RIOK1: variants seen among roughly 807,000 people sequenced by gnomAD.
RIOK1 encodes the protein serine/threonine-protein kinase RIO1.
In RIOK1, 66 loss-of-function variants were observed where a neutral mutation model predicts 73.5. The ratio of observed to expected loss-of-function variants is 0.90; its 90% CI spans 0.74 to 1.10. RIOK1 has a LOEUF of 1.10. Ranked by LOEUF, RIOK1 falls within the 50% of genes least tolerant of loss-of-function variation. The pLI, the probability that RIOK1 is intolerant of heterozygous loss-of-function variation, is 0.00. For synonymous variants in RIOK1, 224 were observed against 226.8 expected, an observed-to-expected ratio of 0.99 and a Z score of 0.11; for missense variants, 658 against 699.8, an observed-to-expected ratio of 0.94 and a Z score of 0.67.
At chr6:7,415,368 C>G (rs1305939495) in intron 16 of RIOK1, among the ~76,000 whole-genome samples, 1 of 152,002 alleles carries the variant, frequency 6.6e-6, no homozygotes, top group Non-Finnish European at 1.5e-5. Flanking sequence ...TGCCACTGCA[C>G]GCCAGCCTGG....
intron 5 of RIOK1, among the ~76,000 whole-genome samples, chr6:7,399,182 G>A (rs1761553602): frequency 6.6e-6 from 1 of 152,178 alleles, no homozygotes; most frequent in East Asian, 1.9e-4. Context: ...TTCTATTCAA[G>A]AATGGGGAAA....
chr6:7,400,968 C>G lies in RIOK1; in HGVS notation c.491C>G (p.Pro164Arg), dbSNP rs1367581125. 6.9e-6 allele frequency: 11 copies of G among 1,605,694 alleles called. No homozygotes were observed. Among genetic ancestry groups the G allele is most frequent in the Non-Finnish European group, 9.4e-6 (11 of 1,175,058 alleles). The change falls in exon 6 of 17, where the codon CCC becomes CGC. Residue 164 changes from proline to arginine, a missense_variant. Pro to Arg is a moderately radical substitution (Grantham distance 103). Coordinates refer to ENST00000379834, the MANE Select transcript of RIOK1 (RefSeq NM_031480.3). ...DRATVEQVLDPRTRMILFKML... is the reference protein window; with the variant it reads ...DRATVEQVLDRRTRMILFKML... ...TGCATTTCTTTTTAGGTGTTGGATC[C>G]CAGAACAAGAATGATTTTATTCAAG...
intron 12 of RIOK1, among the ~76,000 whole-genome samples, chr6:7,410,042 C>T (rs1345090757): frequency 6.6e-6 from 1 of 152,154 alleles, no homozygotes; most frequent in Non-Finnish European, 1.5e-5. Context: ...TTCTTTCATT[C>T]TTTAGGTCTC....
At chr6:7,397,325 C>G (rs1761498909) in intron 4 of RIOK1, among the ~76,000 whole-genome samples, 1 of 152,104 alleles carries the variant, frequency 6.6e-6, no homozygotes, top group Non-Finnish European at 1.5e-5. Context: ...AAAGTGTAAT[C>G]TCATGAAATT....
intron 16 of RIOK1, 57 bp downstream of exon 16, chr6:7,414,447 T>G (rs1761954339): frequency 6.9e-7 from 1 of 1,449,810 alleles, no homozygotes; most frequent in Non-Finnish European, 9.3e-7. Context: ...CCGCTCTTAT[T>G]TCTCTTTGCT....
chr6:7,391,153 A>G (rs1439940068), intron 1 of RIOK1, among the ~76,000 whole-genome samples: 1 of 152,230 alleles, frequency 6.6e-6, no homozygotes, highest in African/African-American at 2.4e-5. Flanking sequence ...GTAAGGATTC[A>G]TCACATGCGG....
chr6:7,389,846 G>A lies in RIOK1; in HGVS notation c.-157G>A, dbSNP rs1415338449. The stretch of plus-strand genomic sequence containing the variant: ...GGGTGGCAGGGTGGTGGATCTGTCG[G>A]TCCCGTTTTCCCGTCGCACGTGGTG... On this transcript the variant is annotated 5_prime_UTR_variant, in exon 1 of 17. Coordinates refer to ENST00000379834, the MANE Select transcript of RIOK1 (RefSeq NM_031480.3). 3 of 623,182 alleles carry A rather than the reference G, an allele frequency of 4.8e-6. No homozygotes were observed. The highest frequency in any genetic ancestry group is 8.6e-6 in the Non-Finnish European group (3 of 347,526). 38.6% of individuals were successfully genotyped at this position (623,182 alleles called of 1,614,324 possible).
At position 7,393,317 on chromosome 6, in the gene RIOK1, G is replaced by T. The variant is rs772608155; in HGVS notation, c.276+14G>T. On this transcript the variant is annotated intron_variant, in intron 2 of 16. Transcript: ENST00000379834. ...AGCAACCCACAGGTATTTTATAAAG[G>T]ATCCTGCACATCTTTATGTAGTCTG... is the stretch of plus-strand genomic sequence containing the variant. 1.2e-6 allele frequency: 2 copies of T among 1,610,038 alleles called. No individual in the cohort carries two copies.
Position 7,393,318 on chromosome 6 carries a change from A to T in RIOK1, c.276+15A>T. 1 of 1,608,472 alleles carries T rather than the reference A, an allele frequency of 6.2e-7. No homozygotes were observed. Among genetic ancestry groups the T allele is most frequent in the Non-Finnish European group, 8.5e-7 (1 of 1,174,896 alleles). On this transcript the variant is annotated intron_variant, in intron 2 of 16. Transcript: ENST00000379834. ...GCAACCCACAGGTATTTTATAAAGG[A>T]TCCTGCACATCTTTATGTAGTCTGC...
intron 12 of RIOK1, among the ~76,000 whole-genome samples, chr6:7,406,299 A>G (rs1343989912): frequency 1.3e-5 from 2 of 152,062 alleles, no homozygotes; most frequent in East Asian, 3.9e-4. Flanking sequence ...GCCCGGCCTC[A>G]GAGGCCTTTC....
intron 3 of RIOK1, 57 bp downstream of exon 3, chr6:7,395,200 T>A (rs1012944524): frequency 4.5e-6 from 7 of 1,546,018 alleles, no homozygotes; most frequent in Non-Finnish European, 6.1e-6. Flanking sequence ...AACCATGGAG[T>A]GTTGTATAAT....
intron 13 of RIOK1, 119 bp from the exon 14 acceptor site, chr6:7,411,213 C>A: frequency 9.3e-7 from 1 of 1,073,760 alleles, no homozygotes; most frequent in Non-Finnish European, 1.4e-6. Context: ...CTTAGCCAAG[C>A]ATCAGTGTTA....
In RIOK1 at chr6:7,402,716, G is replaced by T. The variant is rs1761643640; in HGVS notation, c.686+1G>T. 6.2e-7 allele frequency: 1 copy of T among 1,607,840 alleles called. No individual in the cohort carries two copies. The highest frequency in any genetic ancestry group is 8.5e-7 in the Non-Finnish European group (1 of 1,176,792). On this transcript the variant is annotated splice_donor_variant, in intron 7 of 16. Transcript: ENST00000379834. LOFTEE classifies it high-confidence loss of function. The stretch of plus-strand genomic sequence containing the variant: ...ATAAATATGTAAGTGGAGAATTCAG[G>T]TAAGTTCAGATTTTTCCCTCCAGTT...
At chr6:7,408,326 C>G (rs1451087644) in intron 12 of RIOK1, among the ~76,000 whole-genome samples, 1 of 152,220 alleles carries the variant, frequency 6.6e-6, no homozygotes, top group Non-Finnish European at 1.5e-5. Flanking sequence ...CATAAGTCGC[C>G]TTGCCTGGCC....
chr6:7,400,040 C>T (rs1175235225), intron 5 of RIOK1, among the ~76,000 whole-genome samples: 1 of 152,190 alleles, frequency 6.6e-6, no homozygotes, highest in Admixed American at 6.5e-5. Flanking sequence ...AAATTGCATA[C>T]AAATATTTGG....
In RIOK1 at chr6:7,404,914, A is replaced by T; in HGVS notation, c.993-4A>T. On this transcript the variant is annotated splice_region_variant and splice_polypyrimidine_tract_variant and intron_variant, in intron 10 of 16. Coordinates refer to ENST00000379834, the MANE Select transcript of RIOK1 (RefSeq NM_031480.3). ...CCCACAGCTTCTGTGTCTCTGGCCCATAGGTACCACGGTGGAGGCGTGTAT... is the reference window on the plus strand; with the variant it reads ...CCCACAGCTTCTGTGTCTCTGGCCCTTAGGTACCACGGTGGAGGCGTGTAT... 6.2e-7 allele frequency: 1 copy of T among 1,611,788 alleles called. No individual in the cohort carries two copies. Among genetic ancestry groups the T allele is most frequent in the Non-Finnish European group, 8.5e-7 (1 of 1,177,986 alleles).
In RIOK1 at chr6:7,389,993, C is replaced by G; in HGVS notation, c.-10C>G. 6.4e-7 allele frequency: 1 copy of G among 1,550,732 alleles called. No individual in the cohort carries two copies. The highest frequency in any genetic ancestry group is 8.7e-7 in the Non-Finnish European group (1 of 1,147,066). ...CGCAGAGCGGCGGCCTCCGGCGGCG[C>G]TCTCCAGTCATGGACTACCGGCGGC... On this transcript the variant is annotated 5_prime_UTR_variant, in exon 1 of 17. Transcript: ENST00000379834.
At chr6:7,417,216 C>G in intron 16 of RIOK1, 115 bp from the exon 17 acceptor site, 1 of 591,612 alleles carries the variant, frequency 1.7e-6, no homozygotes, top group South Asian at 2.3e-5. Context: ...ACGCCACTGA[C>G]TCCAGCCTGG....
intron 13 of RIOK1, 78 bp downstream of exon 13, chr6:7,410,529 A>G (rs552493028): frequency 2.2e-6 from 2 of 890,100 alleles, no homozygotes; most frequent in African/African-American, 3.4e-5. Context: ...GCTAGAGCAT[A>G]AACTTGATTT....
Sources: gnomAD v4.1 joint callset for allele counts (sites outside exome capture counted in the v4.1 genomes callset) on GRCh38, gnomAD v4.1.1 for gene constraint, MANE v1.5 for transcripts, NCBI Gene and HGNC (gene_info 2026-07-23, HGNC 2026-07-21) for gene names.